The following KIRREL3 variants were observed in gnomAD, a reference collection of about 807,000 sequenced individuals.
KIRREL3 encodes the protein kin of IRRE-like protein 3.
In KIRREL3, 36 loss-of-function variants were observed where a neutral mutation model predicts 89.7. That is an observed-to-expected ratio of 0.40 (90% CI 0.31 to 0.53). The LOEUF (loss-of-function observed/expected upper bound fraction) is 0.53, where lower values mean the gene tolerates loss of function less well. Among genes scored for constraint, KIRREL3 ranks in the 20% least tolerant of loss-of-function variants. The probability of loss-of-function intolerance (pLI) is 0.49; values close to 1 mark genes in which losing one functional copy is unlikely to be tolerated. For synonymous variants in KIRREL3, 445 were observed against 441.4 expected (o/e 1.01, Z -0.10); for missense variants, 864 against 1,056.6 (o/e 0.82, Z 2.53).
At position 126,429,784 on chromosome 11, in the gene KIRREL3, A is replaced by G. The variant is rs1411527850; in HGVS notation, c.1697-496T>C. On this transcript the variant is annotated intron_variant, in intron 14 of 16. Transcript: ENST00000525144. The surrounding 1 kb of genome is among the most constrained non-coding windows in gnomAD (Gnocchi z 5.2). ...CAGCTTCTCTGTCGACGCCTCCGTG[A>G]TGGAAGCTTTACTGCTACTTCTGCA... is the stretch of plus-strand genomic sequence containing the variant. Among the ~76,000 whole-genome samples the G allele has an allele frequency of 1.3e-5, 2 of 152,250 alleles. No homozygotes were observed. The highest frequency in any genetic ancestry group is 2.9e-5 in the Non-Finnish European group (2 of 68,046).
In KIRREL3 at chr11:126,983,707, T is replaced by C. The variant is rs1949775862; in HGVS notation, c.55+16748A>G. Among the ~76,000 whole-genome samples, 2 of 152,164 alleles carry C rather than the reference T, an allele frequency of 1.3e-5. No homozygotes were observed. Among genetic ancestry groups the C allele is most frequent in the African/African-American group, 4.8e-5 (2 of 41,436 alleles). Reference sequence around the variant, plus strand: ...TATAGCCTCCAGAAAGAAACAGCCCTGCAGCACCTGGATGCCAGCCCGTGA... The same window carrying C: ...TATAGCCTCCAGAAAGAAACAGCCCCGCAGCACCTGGATGCCAGCCCGTGA... On this transcript the variant is annotated intron_variant, in intron 1 of 16. Transcript: ENST00000525144. The surrounding 1 kb of genome is among the most constrained non-coding windows in gnomAD (Gnocchi z 4.9).
chr11:126,749,836 T>C (rs1345351727), intron 1 of KIRREL3, among the ~76,000 whole-genome samples: 3 of 152,160 alleles, frequency 2.0e-5, no homozygotes, highest in African/African-American at 7.2e-5. Context: ...AGAATGAGAT[T>C]TATCAACTCT....
chr11:126,981,216 A>G lies in KIRREL3; in HGVS notation c.55+19239T>C, dbSNP rs770988603. Among the ~76,000 whole-genome samples the G allele has an allele frequency of 9.9e-5, 15 of 152,236 alleles. No individual in the cohort carries two copies. The highest frequency in any genetic ancestry group is 2.1e-4 in the Non-Finnish European group (14 of 68,046). On this transcript the variant is annotated intron_variant, in intron 1 of 16. Coordinates refer to ENST00000525144, the MANE Select transcript of KIRREL3 (RefSeq NM_032531.4). The surrounding 1 kb of genome is among the most constrained non-coding windows in gnomAD (Gnocchi z 4.2). ...GAAGGAAAGCATGGCCCGTTGGACCACAGCAAGACCTTCTTATTTTTGCAA... is the reference window on the plus strand; with the variant it reads ...GAAGGAAAGCATGGCCCGTTGGACCGCAGCAAGACCTTCTTATTTTTGCAA...
At chr11:126,613,906 A>G (rs1384852587) in intron 1 of KIRREL3, among the ~76,000 whole-genome samples, 1 of 62,506 alleles carries the variant, frequency 1.6e-5, no homozygotes, top group African/African-American at 7.9e-5. Flanking sequence ...TTTTTTCCCC[A>G]TAGCCTTTAT....
At chr11:126,473,603 C>G in intron 4 of KIRREL3, 137 bp from the exon 5 acceptor site, 1 of 717,454 alleles carries the variant, frequency 1.4e-6, no homozygotes, top group Non-Finnish European at 2.2e-6. Flanking sequence ...CCGCTTGTAT[C>G]GTAATGATGA....
At chr11:126,473,039 A>C in intron 5 of KIRREL3, among the ~76,000 whole-genome samples, 1 of 25,652 alleles carries the variant, frequency 3.9e-5, no homozygotes, top group African/African-American at 3.0e-4. Context: ...CCCTCTACCT[A>C]ACCCCCCCAG....
intron 1 of KIRREL3, among the ~76,000 whole-genome samples, chr11:126,863,390 C>CAT (rs1944771231): frequency 1.6e-5 from 1 of 60,714 alleles, no homozygotes; most frequent in Non-Finnish European, 3.0e-5. Flanking sequence ...TGTTTGAGTG[C>CAT]GTGTGTGAGT....
At chr11:126,874,248 A>G (rs140511372) in intron 1 of KIRREL3, among the ~76,000 whole-genome samples, 88 of 152,350 alleles carry the variant, frequency 5.8e-4, no homozygotes, top group African/African-American at 2.0e-3. Flanking sequence ...GTCATGGTTT[A>G]CAGTAGAGTC....
At chr11:126,497,738 C>G (rs1957719609) in intron 4 of KIRREL3, among the ~76,000 whole-genome samples, 1 of 152,212 alleles carries the variant, frequency 6.6e-6, no homozygotes, top group African/African-American at 2.4e-5. Flanking sequence ...CGCCAGTGCA[C>G]ATGGATGCAT....
chr11:126,677,963 C>G lies in KIRREL3; in HGVS notation c.56-115051G>C, dbSNP rs1162475440. On this transcript the variant is annotated intron_variant, in intron 1 of 16. Transcript: ENST00000525144. This position sits in a 1 kb window ranked among gnomAD's most constrained non-coding sequence, Gnocchi z 5.1. Reference sequence around the variant, plus strand: ...TCAGGCCCTGGGACCCAGAGACACACCCCGTCCCCAGGCTCCAGCTTCATG... The same window carrying G: ...TCAGGCCCTGGGACCCAGAGACACAGCCCGTCCCCAGGCTCCAGCTTCATG... Among the ~76,000 whole-genome samples, 2 of 152,186 alleles carry G rather than the reference C, an allele frequency of 1.3e-5. No individual in the cohort carries two copies. The highest frequency in any genetic ancestry group is 2.9e-5 in the Non-Finnish European group (2 of 68,026).
chr11:126,951,189 C>T, intron 1 of KIRREL3, among the ~76,000 whole-genome samples: 1 of 152,140 alleles, frequency 6.6e-6, no homozygotes, highest in East Asian at 1.9e-4. Context: ...ATAAGGATAG[C>T]TTCAGAAAAG....
In KIRREL3 at chr11:126,474,314, G is replaced by T. The variant is rs1957006836; in HGVS notation, c.434-848C>A. 6.6e-6 allele frequency among the ~76,000 whole-genome samples: 1 copy of T among 152,200 alleles called. No individual in the cohort carries two copies. Among genetic ancestry groups the T allele is most frequent in the Non-Finnish European group, 1.5e-5 (1 of 68,040 alleles). On this transcript the variant is annotated intron_variant, in intron 4 of 16. Coordinates refer to ENST00000525144, the MANE Select transcript of KIRREL3 (RefSeq NM_032531.4). This position sits in a 1 kb window ranked among gnomAD's most constrained non-coding sequence, Gnocchi z 6.7. ...CTGAGTTAGTCCTCACAACAGTCTG[G>T]TGAGGTCAACATTACCACCCCAATG...
chr11:126,768,642 C>A lies in KIRREL3; in HGVS notation c.56-205730G>T, dbSNP rs1949922504. On this transcript the variant is annotated intron_variant, in intron 1 of 16. Coordinates refer to ENST00000525144, the MANE Select transcript of KIRREL3 (RefSeq NM_032531.4). The surrounding 1 kb of genome is among the most constrained non-coding windows in gnomAD (Gnocchi z 4.5). ...CAGGATGGACTCTTGGAGGATGTGACCTTTGGGCTAAGACCTGCACAGGAG... is the reference window on the plus strand; with the variant it reads ...CAGGATGGACTCTTGGAGGATGTGAACTTTGGGCTAAGACCTGCACAGGAG... Among the ~76,000 whole-genome samples, 1 of 152,136 alleles carries A rather than the reference C, an allele frequency of 6.6e-6. No individual in the cohort carries two copies.
rs939313362 is a variant in KIRREL3, at chr11:126,792,259, G to C, written c.55+208196C>G. On this transcript the variant is annotated intron_variant, in intron 1 of 16. Coordinates refer to ENST00000525144, the MANE Select transcript of KIRREL3 (RefSeq NM_032531.4). The stretch of plus-strand genomic sequence containing the variant: ...TGGACATCATCATGGCCACCTCACA[G>C]TGTTGTTGTAAACACAAGATGAAAT... Among the ~76,000 whole-genome samples the C allele has an allele frequency of 4.6e-5, 7 of 152,308 alleles. No individual in the cohort carries two copies. In the East Asian group the frequency reaches 1.2e-3, roughly 25 times the overall value.
rs1409795662 is a variant in KIRREL3 at position 126,763,249 on chromosome 11, TC to T, written c.56-200338del. ...TAGATGAGACGATTTCTGGAACATC[TC>T]CCAATGTCGGCGTTCTGTGATGTGA... On this transcript the variant is annotated intron_variant, in intron 1 of 16. Coordinates refer to ENST00000525144, the MANE Select transcript of KIRREL3 (RefSeq NM_032531.4). The surrounding 1 kb of genome is among the most constrained non-coding windows in gnomAD (Gnocchi z 4.7). Among the ~76,000 whole-genome samples, 1 of 152,166 alleles carries T rather than the reference TC, an allele frequency of 6.6e-6. No individual in the cohort carries two copies. The highest frequency in any genetic ancestry group is 1.5e-5 in the Non-Finnish European group (1 of 68,028).
chr11:126,618,922 G>A (rs1354268995), intron 1 of KIRREL3, among the ~76,000 whole-genome samples: 3 of 152,184 alleles, frequency 2.0e-5, no homozygotes, highest in Non-Finnish European at 1.5e-5. Context: ...TTCACCCAAG[G>A]AATATTTAAT....
At chr11:126,548,466 C>A (rs981416325) in intron 2 of KIRREL3, among the ~76,000 whole-genome samples, 1 of 152,208 alleles carries the variant, frequency 6.6e-6, no homozygotes, top group Non-Finnish European at 1.5e-5. Flanking sequence ...TGCAGAAATA[C>A]CCCACCGCTT....
intron 1 of KIRREL3, among the ~76,000 whole-genome samples, chr11:126,672,463 G>A (rs1591929418): frequency 6.6e-6 from 1 of 152,180 alleles, no homozygotes; most frequent in South Asian, 2.1e-4. Context: ...CTAAGTGAAA[G>A]AAGCCAGTCT....
At position 126,796,648 on chromosome 11, in the gene KIRREL3, ATTTATTTTTATTCT is replaced by A. The variant is rs1368776725; in HGVS notation, c.55+203793_55+203806del. ...AGCATTGCCCCCAACCCTGCTTTTTATTTATTTTTATTCTTTTATTTTTATTTTTATTTTATTTT... is the reference window on the plus strand; with the variant it reads ...AGCATTGCCCCCAACCCTGCTTTTTATTTATTTTTATTTTTATTTTATTTT... On this transcript the variant is annotated intron_variant, in intron 1 of 16. Transcript: ENST00000525144. The surrounding 1 kb of genome is among the most constrained non-coding windows in gnomAD (Gnocchi z 5.1). Among the ~76,000 whole-genome samples the A allele has an allele frequency of 1.3e-5, 2 of 151,880 alleles. No individual in the cohort carries two copies. Among genetic ancestry groups the A allele is most frequent in the African/African-American group, 2.4e-5 (1 of 41,352 alleles).
Sources: allele counts gnomAD v4.1 joint callset (sites outside exome capture counted in the v4.1 genomes callset), GRCh38; gene constraint gnomAD v4.1.1; non-coding constraint Gnocchi (gnomAD v3.1); transcripts MANE v1.5; gene names NCBI Gene and HGNC (gene_info 2026-07-23, HGNC 2026-07-21).